ERC2: variants seen among roughly 807,000 people sequenced by gnomAD.
ERC2 encodes the protein ELKS/RAB6-interacting/CAST family member 2, also known as ERC protein 2.
A neutral mutation model predicts 114.8 loss-of-function variants in ERC2; 42 were observed. That is an observed-to-expected ratio of 0.37 (90% CI 0.29 to 0.47). ERC2 has a LOEUF of 0.47. ERC2 is among the 20% of genes least tolerant of loss of function. The pLI is 0.99. For synonymous variants in ERC2, 454 were observed against 425.5 expected (o/e 1.07, Z -0.82); for missense variants, 939 against 1,150.7 (o/e 0.82, Z 2.66).
intron 3 of ERC2, among the ~76,000 whole-genome samples, chr3:56,217,548 A>T (rs2049575368): frequency 6.6e-6 from 1 of 152,236 alleles, no homozygotes; most frequent in South Asian, 2.1e-4. Context: ...AATATCGTGA[A>T]AATGGCCATA....
At chr3:56,197,635 T>G (rs2048183809) in intron 3 of ERC2, among the ~76,000 whole-genome samples, 1 of 152,180 alleles carries the variant, frequency 6.6e-6, no homozygotes, top group Non-Finnish European at 1.5e-5. Context: ...TTACTATACA[T>G]GAGAAAGGGT....
chr3:55,710,837 G>A (rs1230488336), intron 15 of ERC2, among the ~76,000 whole-genome samples: 2 of 152,070 alleles, frequency 1.3e-5, no homozygotes, highest in Non-Finnish European at 2.9e-5. Context: ...TGTTAATACT[G>A]GGCCACATCT....
At chr3:55,710,389 G>T (rs2063718347) in intron 15 of ERC2, among the ~76,000 whole-genome samples, 1 of 152,158 alleles carries the variant, frequency 6.6e-6, no homozygotes, top group Non-Finnish European at 1.5e-5. Context: ...GAAATTTTGT[G>T]AATCTGTGTG....
chr3:55,961,659 T>C (rs777053936), intron 12 of ERC2, among the ~76,000 whole-genome samples: 3 of 152,014 alleles, frequency 2.0e-5, no homozygotes, highest in African/African-American at 4.8e-5. Context: ...CTTTGGTCAA[T>C]GGATGAAACA....
chr3:55,747,704 T>C (rs1340579477), intron 14 of ERC2, among the ~76,000 whole-genome samples: 2 of 152,218 alleles, frequency 1.3e-5, no homozygotes, highest in Non-Finnish European at 2.9e-5. Flanking sequence ...TTGCAAAGTT[T>C]CACCAATGCA....
chr3:55,872,569 C>A (rs978474610), intron 14 of ERC2, among the ~76,000 whole-genome samples: 1 of 151,998 alleles, frequency 6.6e-6, no homozygotes, highest in Admixed American at 6.6e-5. Flanking sequence ...ATTTGAGAGG[C>A]AATGCCCAGA....
Position 55,583,379 on chromosome 3 carries a change from CTTCTTTCT to C in ERC2, c.*40-72111_*40-72104del, listed in dbSNP as rs765652549. Among the ~76,000 whole-genome samples the C allele has an allele frequency of 8.6e-3, 1,222 of 141,776 alleles. 53 individuals carry two copies. The highest frequency in any genetic ancestry group is 0.059 in the South Asian group (257 of 4,374). The allele number at this position is 141,776 out of a possible 152,430, so 93.0% of individuals were successfully genotyped here. The stretch of plus-strand genomic sequence containing the variant: ...CCTGCCTGCCTGCCTGCCTTCTTTC[CTTCTTTCT>C]TTCCTTCCTTCTTTCCTTCCTTCCT... On this transcript the variant is annotated intron_variant, in intron 17 of 17. Coordinates refer to ENST00000288221, the MANE Select transcript of ERC2 (RefSeq NM_015576.3).
chr3:55,974,116 G>C (rs2069393260), intron 12 of ERC2, among the ~76,000 whole-genome samples: 1 of 152,070 alleles, frequency 6.6e-6, no homozygotes, highest in African/African-American at 2.4e-5. Flanking sequence ...AGTAATCTCA[G>C]CTTAAAAGTT....
intron 12 of ERC2, among the ~76,000 whole-genome samples, chr3:55,979,537 T>G (rs1404532951): frequency 6.6e-6 from 1 of 152,192 alleles, no homozygotes; most frequent in African/African-American, 2.4e-5. Flanking sequence ...AATCACACAC[T>G]TTACACCTTT....
At chr3:56,071,624 G>A (rs1159416079) in intron 7 of ERC2, among the ~76,000 whole-genome samples, 1 of 152,216 alleles carries the variant, frequency 6.6e-6, no homozygotes, top group Non-Finnish European at 1.5e-5. Context: ...ATGGATGAAT[G>A]AATGGGCAGG....
At chr3:56,052,160 C>T (rs924894008) in intron 7 of ERC2, among the ~76,000 whole-genome samples, 4 of 152,162 alleles carry the variant, frequency 2.6e-5, no homozygotes, top group African/African-American at 7.2e-5. Flanking sequence ...TCAGAGGAAG[C>T]GCCATCAAGG....
chr3:55,861,299 G>C (rs905052526), intron 14 of ERC2, among the ~76,000 whole-genome samples: 17 of 152,152 alleles, frequency 1.1e-4, no homozygotes, highest in African/African-American at 4.1e-4. Flanking sequence ...CCTTACTACG[G>C]ATCTCATGGA....
intron 17 of ERC2, among the ~76,000 whole-genome samples, chr3:55,633,062 G>A (rs1014170662): frequency 1.3e-5 from 2 of 152,182 alleles, no homozygotes; most frequent in Admixed American, 6.5e-5. Context: ...GCATAGGGAA[G>A]TGCACACATG....
intron 3 of ERC2, among the ~76,000 whole-genome samples, chr3:56,288,545 T>A (rs902853600): frequency 3.9e-5 from 6 of 152,144 alleles, no homozygotes; most frequent in African/African-American, 1.4e-4. Flanking sequence ...AATGGAGTAA[T>A]TAGCATGTAG....
rs141479756 is a variant in ERC2, at chr3:56,165,044, A to T, written c.1149+8402T>A. 2.0e-5 allele frequency among the ~76,000 whole-genome samples: 3 copies of T among 152,154 alleles called. No homozygotes were observed. In the East Asian group the frequency reaches 5.8e-4, roughly 29 times the overall value. On this transcript the variant is annotated intron_variant, in intron 4 of 17. Transcript: ENST00000288221. The stretch of plus-strand genomic sequence containing the variant: ...CAAATCATAGACTTTCAAAATGATG[A>T]ATTGTGGTCAAGTGAACACACTTGG...
intron 10 of ERC2, among the ~76,000 whole-genome samples, chr3:55,993,466 C>T (rs1027214190): frequency 4.6e-5 from 7 of 151,640 alleles, no homozygotes; most frequent in South Asian, 2.1e-4. Flanking sequence ...ACTAATACTA[C>T]GGTTAGAAGG....
chr3:55,924,241 C>T (rs1267210970), intron 13 of ERC2, among the ~76,000 whole-genome samples: 1 of 152,046 alleles, frequency 6.6e-6, no homozygotes, highest in Non-Finnish European at 1.5e-5. Context: ...GGTTGGCAAA[C>T]TTTTTCTGCC....
intron 17 of ERC2, among the ~76,000 whole-genome samples, chr3:55,645,685 A>G (rs2060364142): frequency 6.6e-6 from 1 of 152,200 alleles, no homozygotes; most frequent in South Asian, 2.1e-4. Context: ...CTCTCGACAC[A>G]GTGGGGGGCC....
At chr3:56,168,854 G>A (rs1380088835) in intron 4 of ERC2, among the ~76,000 whole-genome samples, 2 of 152,146 alleles carry the variant, frequency 1.3e-5, no homozygotes, top group Non-Finnish European at 2.9e-5. Context: ...CTGCATTAAA[G>A]TTGCACCTGA....
Sources: allele counts gnomAD v4.1 joint callset (sites outside exome capture counted in the v4.1 genomes callset), GRCh38; gene constraint gnomAD v4.1.1; transcripts MANE v1.5; gene names NCBI Gene and HGNC (gene_info 2026-07-23, HGNC 2026-07-21).